Variants in MEOX2 observed in about 807,000 individuals in gnomAD.
The protein encoded by MEOX2 is mesenchyme homeobox 2, also known as homeobox protein MOX-2.
In MEOX2, 11 loss-of-function variants were observed where a neutral mutation model predicts 27.0. The observed-to-expected ratio is 0.41, with a 90% confidence interval of 0.26 to 0.68. The LOEUF is 0.68. MEOX2 is among the 30% of genes least tolerant of loss of function. The pLI is 0.33. For synonymous variants in MEOX2, 189 were observed against 155.4 expected, an observed-to-expected ratio of 1.22 and a Z score of -1.61; for missense variants, 436 against 385.4, an observed-to-expected ratio of 1.13 and a Z score of -1.10.
intron 2 of MEOX2, among the ~76,000 whole-genome samples, chr7:15,623,260 G>C (rs1455269938): frequency 6.6e-6 from 1 of 152,156 alleles, no homozygotes; most frequent in Non-Finnish European, 1.5e-5. Flanking sequence ...TGACCTTCAA[G>C]AATAGCAAAG....
intron 1 of MEOX2, among the ~76,000 whole-genome samples, chr7:15,639,841 C>G (rs1415360395): frequency 6.6e-6 from 1 of 152,060 alleles, no homozygotes; most frequent in Non-Finnish European, 1.5e-5. Context: ...GTACCAGTAC[C>G]AAACTGTTTT....
intron 1 of MEOX2, among the ~76,000 whole-genome samples, chr7:15,639,165 C>T (rs1249895879): frequency 6.6e-6 from 1 of 151,954 alleles, no homozygotes; most frequent in East Asian, 1.9e-4. Flanking sequence ...TTAATAATAG[C>T]CATTCTGACT....
At chr7:15,683,975 G>T (rs1208796994) in intron 1 of MEOX2, among the ~76,000 whole-genome samples, 1 of 146,582 alleles carries the variant, frequency 6.8e-6, no homozygotes, top group Non-Finnish European at 1.5e-5. Flanking sequence ...CCACTAAGTT[G>T]GGGGGGAGAG....
chr7:15,624,753 T>G (rs1023168032), intron 2 of MEOX2, among the ~76,000 whole-genome samples: 3 of 152,112 alleles, frequency 2.0e-5, no homozygotes, highest in African/African-American at 7.2e-5. Flanking sequence ...AAATAAAACT[T>G]TGGTTATTAT....
Position 15,625,427 on chromosome 7 carries a change from A to G in MEOX2, c.690+1319T>C, listed in dbSNP as rs545151163. Among the ~76,000 whole-genome samples, 8 of 152,338 alleles carry G rather than the reference A, an allele frequency of 5.3e-5. No individual in the cohort carries two copies. The South Asian group carries it at 1.7e-3, about 32-fold the overall frequency. On this transcript the variant is annotated intron_variant, in intron 2 of 2. Coordinates refer to ENST00000262041, the MANE Select transcript of MEOX2 (RefSeq NM_005924.5). ...GTAATAAAATACAAACTGCCAATAA[A>G]TAAAACCACAGAAAAGTGTTCCTCT...
chr7:15,645,300 C>T (rs573205954), intron 1 of MEOX2, among the ~76,000 whole-genome samples: 101 of 152,206 alleles, frequency 6.6e-4, no homozygotes, highest in African/African-American at 2.4e-3. Context: ...TAAATAAGTA[C>T]AAAAGATTTC....
At chr7:15,643,079 A>G (rs1781587897) in intron 1 of MEOX2, among the ~76,000 whole-genome samples, 1 of 152,138 alleles carries the variant, frequency 6.6e-6, no homozygotes, top group Admixed American at 6.5e-5. Context: ...CTACAGGTCA[A>G]TAGGTAGCTC....
chr7:15,641,879 A>C (rs1781566943), intron 1 of MEOX2, among the ~76,000 whole-genome samples: 1 of 152,118 alleles, frequency 6.6e-6, no homozygotes, highest in African/African-American at 2.4e-5. Flanking sequence ...TATGAAGCTC[A>C]GTTTGACAGG....
At chr7:15,651,441 A>G (rs1781731583) in intron 1 of MEOX2, among the ~76,000 whole-genome samples, 1 of 152,164 alleles carries the variant, frequency 6.6e-6, no homozygotes, top group Admixed American at 6.6e-5. Context: ...ACTCAAAATA[A>G]AAGAAATTAT....
intron 2 of MEOX2, among the ~76,000 whole-genome samples, chr7:15,616,477 G>A (rs10246570): frequency 0.79 from 119,756 of 151,626 alleles, 47,496 homozygotes; most frequent in East Asian, 0.89. Context: ...TTAATTCCAG[G>A]TTATAAATCA....
chr7:15,659,360 C>A (rs930109560), intron 1 of MEOX2, among the ~76,000 whole-genome samples: 2 of 152,056 alleles, frequency 1.3e-5, no homozygotes, highest in African/African-American at 2.4e-5. Context: ...AGTAAAAAAA[C>A]AAATGCTTTT....
chr7:15,649,331 TG>T (rs1308684812), intron 1 of MEOX2, among the ~76,000 whole-genome samples: 1 of 151,700 alleles, frequency 6.6e-6, no homozygotes, highest in African/African-American at 2.4e-5. Flanking sequence ...GCAGTAAGGG[TG>T]GGGGGAGACA....
chr7:15,682,672 T>G (rs1782312373), intron 1 of MEOX2, among the ~76,000 whole-genome samples: 1 of 151,918 alleles, frequency 6.6e-6, no homozygotes, highest in Admixed American at 6.6e-5. Flanking sequence ...TTAGTTATTT[T>G]AACTAAAACT....
intron 1 of MEOX2, among the ~76,000 whole-genome samples, chr7:15,632,572 A>T (rs1583752443): frequency 6.6e-6 from 1 of 152,014 alleles, no homozygotes; most frequent in East Asian, 1.9e-4. Flanking sequence ...ACAAATTTTA[A>T]CAAAATTAAC....
At chr7:15,632,563 C>T (rs184481159) in intron 1 of MEOX2, among the ~76,000 whole-genome samples, 1 of 151,816 alleles carries the variant, frequency 6.6e-6, no homozygotes, top group Non-Finnish European at 1.5e-5. Context: ...GAAAACAAAA[C>T]AAATTTTAAC....
In MEOX2 at chr7:15,612,898, A is replaced by G. The variant is rs189867912; in HGVS notation, c.691-287T>C. Among the ~76,000 whole-genome samples the G allele has an allele frequency of 6.2e-3, 945 of 152,368 alleles. 3 individuals carry two copies. Among genetic ancestry groups the G allele is most frequent in the Non-Finnish European group, 9.9e-3 (672 of 68,038 alleles). The stretch of plus-strand genomic sequence containing the variant: ...AAAACTTTGTCATTTAAGGCACTCA[A>G]AGCACTTGCGTCTATAAAGAGCTTC... On this transcript the variant is annotated intron_variant, in intron 2 of 2. Transcript: ENST00000262041.
At position 15,673,455 on chromosome 7, in the gene MEOX2, C is replaced by T. The variant is rs1232053128; in HGVS notation, c.517+12431G>A. ...CTGGCAGGCGTCATAGAACTAAATA[C>T]ACACACAGAAGTGCATATAAAACAG... On this transcript the variant is annotated intron_variant, in intron 1 of 2. Coordinates refer to ENST00000262041, the MANE Select transcript of MEOX2 (RefSeq NM_005924.5). Among the ~76,000 whole-genome samples, 4 of 151,832 alleles carry T rather than the reference C, an allele frequency of 2.6e-5. No homozygotes were observed. The East Asian group carries it at 7.7e-4, about 29-fold the overall frequency.
In MEOX2 at chr7:15,614,794, A is replaced by G. The variant is rs147800772; in HGVS notation, c.691-2183T>C. Among the ~76,000 whole-genome samples the G allele has an allele frequency of 3.5e-4, 53 of 152,236 alleles. No individual in the cohort carries two copies. The East Asian group carries it at 7.7e-3, about 22-fold the overall frequency. The stretch of plus-strand genomic sequence containing the variant: ...GAATATTCTCTATTTTCAGTTTAGA[A>G]ATAATTTCAATTTCTGTAAATAGTG... On this transcript the variant is annotated intron_variant, in intron 2 of 2. Transcript: ENST00000262041.
intron 1 of MEOX2, chr7:15,677,779 ACT>A (rs1242633367): frequency 6.6e-6 from 1 of 151,998 alleles, no homozygotes; most frequent in Non-Finnish European, 1.5e-5. Context: ...CCATCATCAA[ACT>A]CTCTTCAATT....
Sources: gnomAD v4.1 joint callset for allele counts (sites outside exome capture counted in the v4.1 genomes callset) on GRCh38, gnomAD v4.1.1 for gene constraint, MANE v1.5 for transcripts, NCBI Gene and HGNC (gene_info 2026-07-23, HGNC 2026-07-21) for gene names.